The following FBXL7 variants were observed in gnomAD, a reference collection of about 807,000 sequenced individuals.
FBXL7 encodes the protein F-box and leucine rich repeat protein 7.
In FBXL7, 12 loss-of-function variants were observed where a neutral mutation model predicts 38.3. The ratio of observed to expected loss-of-function variants is 0.31; its 90% confidence interval spans 0.20 to 0.51. The LOEUF (loss-of-function observed/expected upper bound fraction) is 0.51. Among genes scored for constraint, FBXL7 ranks in the 20% least tolerant of loss-of-function variants. The pLI is 0.98. For missense variants in FBXL7, 567 were observed against 676.4 expected, an observed-to-expected ratio of 0.84 and a Z score of 1.79; for synonymous variants, 297 against 300.9, an observed-to-expected ratio of 0.99 and a Z score of 0.13.
At chr5:15,806,858 C>T (rs1322138766) in intron 2 of FBXL7, among the ~76,000 whole-genome samples, 3 of 152,208 alleles carry the variant, frequency 2.0e-5, no homozygotes, top group Non-Finnish European at 4.4e-5. Flanking sequence ...CTCTGTGACT[C>T]GCTGTGACAG....
chr5:15,538,269 C>A (rs956113040), intron 1 of FBXL7, among the ~76,000 whole-genome samples: 2 of 152,136 alleles, frequency 1.3e-5, no homozygotes, highest in Non-Finnish European at 2.9e-5. Flanking sequence ...GTATAACGAC[C>A]TACAGGAAAA....
At chr5:15,737,274 C>G (rs1404831245) in intron 2 of FBXL7, among the ~76,000 whole-genome samples, 2 of 152,164 alleles carry the variant, frequency 1.3e-5, no homozygotes, top group African/African-American at 4.8e-5. Context: ...CCCTGTTCCA[C>G]TAAGTGGTCC....
chr5:15,766,538 A>G (rs919588671), intron 2 of FBXL7, among the ~76,000 whole-genome samples: 1 of 152,236 alleles, frequency 6.6e-6, no homozygotes, highest in Non-Finnish European at 1.5e-5. Context: ...GTTAGTAGCC[A>G]GGAGCCAGAT....
At chr5:15,644,199 C>G (rs772713095) in intron 2 of FBXL7, among the ~76,000 whole-genome samples, 6 of 151,628 alleles carry the variant, frequency 4.0e-5, no homozygotes, top group Non-Finnish European at 7.4e-5. Context: ...TGGCCCACGC[C>G]TGTAATCCCA....
chr5:15,649,101 A>C (rs189396739), intron 2 of FBXL7, among the ~76,000 whole-genome samples: 1 of 152,020 alleles, frequency 6.6e-6, no homozygotes, highest in African/African-American at 2.4e-5. Context: ...GGTTCAAGCT[A>C]TTCTTGTGCC....
At chr5:15,571,570 GA>G (rs1373796319) in intron 1 of FBXL7, among the ~76,000 whole-genome samples, 3 of 152,094 alleles carry the variant, frequency 2.0e-5, no homozygotes, top group Non-Finnish European at 4.4e-5. Flanking sequence ...ATTTTCCCAA[GA>G]AAATATCACT....
chr5:15,567,923 T>A (rs895552446), intron 1 of FBXL7, among the ~76,000 whole-genome samples: 3 of 152,104 alleles, frequency 2.0e-5, no homozygotes, highest in Non-Finnish European at 2.9e-5. Flanking sequence ...AAAAGACATA[T>A]ACTCATCATT....
At chr5:15,793,111 G>A (rs1315697553) in intron 2 of FBXL7, among the ~76,000 whole-genome samples, 2 of 152,200 alleles carry the variant, frequency 1.3e-5, no homozygotes, top group Middle Eastern at 3.2e-3. Context: ...AGATGGAGGA[G>A]CCTTCCCCTG....
At chr5:15,502,389 GAA>G (rs1478742378) in intron 1 of FBXL7, among the ~76,000 whole-genome samples, 1 of 152,114 alleles carries the variant, frequency 6.6e-6, no homozygotes, top group Non-Finnish European at 1.5e-5. Flanking sequence ...CCTTGGGAGA[GAA>G]AAGGAGAGAC....
At chr5:15,804,504 T>C (rs1737654261) in intron 2 of FBXL7, among the ~76,000 whole-genome samples, 1 of 152,142 alleles carries the variant, frequency 6.6e-6, no homozygotes, top group Admixed American at 6.5e-5. Flanking sequence ...AAATAAAATG[T>C]TTACAGTTGA....
At chr5:15,906,009 G>C (rs968732674) in intron 2 of FBXL7, among the ~76,000 whole-genome samples, 2 of 151,978 alleles carry the variant, frequency 1.3e-5, no homozygotes, top group Non-Finnish European at 2.9e-5. Context: ...TAAATGATGA[G>C]CCAGAATCCA....
chr5:15,808,049 A>G (rs558312156), intron 2 of FBXL7, among the ~76,000 whole-genome samples: 3 of 152,240 alleles, frequency 2.0e-5, no homozygotes, highest in African/African-American at 7.2e-5. Flanking sequence ...AGTTGAGACA[A>G]CACTGCCTTT....
intron 2 of FBXL7, among the ~76,000 whole-genome samples, chr5:15,815,640 T>C (rs1737993565): frequency 6.6e-6 from 1 of 152,166 alleles, no homozygotes; most frequent in Non-Finnish European, 1.5e-5. Context: ...TTGTGAGAAA[T>C]TGAAATAAAA....
chr5:15,635,795 C>T (rs371010392), intron 2 of FBXL7, among the ~76,000 whole-genome samples: 16 of 152,282 alleles, frequency 1.1e-4, no homozygotes, highest in Admixed American at 5.9e-4. Flanking sequence ...CCTGCTCAGA[C>T]GTCTGCGTGG....
At chr5:15,693,614 A>G (rs1393187398) in intron 2 of FBXL7, among the ~76,000 whole-genome samples, 1 of 152,112 alleles carries the variant, frequency 6.6e-6, no homozygotes, top group African/African-American at 2.4e-5. Flanking sequence ...CTGGCCCGCC[A>G]TGTCCCCCAT....
At chr5:15,645,193 C>A (rs1433213092) in intron 2 of FBXL7, among the ~76,000 whole-genome samples, 3 of 152,126 alleles carry the variant, frequency 2.0e-5, no homozygotes, top group African/African-American at 7.2e-5. Flanking sequence ...ACACACTTTC[C>A]TACCTTGATA....
At chr5:15,611,855 C>A (rs1740250032) in intron 1 of FBXL7, among the ~76,000 whole-genome samples, 2 of 151,272 alleles carry the variant, frequency 1.3e-5, no homozygotes, top group African/African-American at 4.9e-5. Flanking sequence ...TGGTGGTGTG[C>A]CTGTAGTTCC....
At chr5:15,568,652 G>T (rs941202181) in intron 1 of FBXL7, among the ~76,000 whole-genome samples, 4 of 151,872 alleles carry the variant, frequency 2.6e-5, no homozygotes, top group African/African-American at 9.7e-5. Context: ...TTTTAGACAT[G>T]AAGTCCTTGC....
intron 2 of FBXL7, among the ~76,000 whole-genome samples, chr5:15,686,986 A>G (rs185802400): frequency 3.9e-5 from 6 of 152,306 alleles, no homozygotes; most frequent in African/African-American, 1.2e-4. Flanking sequence ...TGGGTTTAAC[A>G]TCTATGTAGT....
Sources: allele counts gnomAD v4.1 joint callset (sites outside exome capture counted in the v4.1 genomes callset), GRCh38; gene constraint gnomAD v4.1.1; transcripts MANE v1.5; gene names NCBI Gene and HGNC (gene_info 2026-07-23, HGNC 2026-07-21).